ATP13A4: variants seen among roughly 807,000 people sequenced by gnomAD.
The protein encoded by ATP13A4 is probable cation-transporting ATPase 13A4.
ATP13A4 carries 114 observed loss-of-function variants against 142.5 expected under a neutral mutation model. The ratio of observed to expected loss-of-function variants is 0.80; its 90% CI spans 0.69 to 0.93. The LOEUF is 0.93. ATP13A4 is among the 40% of genes least tolerant of loss of function. ATP13A4 has a pLI of 0.00. For synonymous variants in ATP13A4, 488 were observed against 514.8 expected (o/e 0.95, Z 0.70); for missense variants, 1,392 against 1,454.0 (o/e 0.96, Z 0.69).
intron 18 of ATP13A4, among the ~76,000 whole-genome samples, chr3:193,442,802 A>T (rs906714627): frequency 6.6e-6 from 1 of 152,216 alleles, no homozygotes; most frequent in African/African-American, 2.4e-5. Flanking sequence ...AAAATTAAAA[A>T]GCAAAATTCA....
At chr3:193,577,925 C>T (rs1724430998) in intron 2 of ATP13A4, among the ~76,000 whole-genome samples, 1 of 152,208 alleles carries the variant, frequency 6.6e-6, no homozygotes, top group African/African-American at 2.4e-5. Context: ...CTCTTTCATT[C>T]TCTCTGAATA....
At chr3:193,591,403 G>A (rs1003498843) in intron 1 of ATP13A4, among the ~76,000 whole-genome samples, 17 of 152,204 alleles carry the variant, frequency 1.1e-4, no homozygotes, top group Admixed American at 9.2e-4. Flanking sequence ...AGGTCTGTGG[G>A]CTGAATTTGG....
chr3:193,502,772 G>T, intron 2 of ATP13A4, 133 bp from the exon 3 acceptor site: 1 of 956,404 alleles, frequency 1.0e-6, no homozygotes, highest in Non-Finnish European at 1.6e-6. Context: ...AGAACGGTTT[G>T]TCTCTGAAAG....
Position 193,400,843 on chromosome 3 carries a change from C to T in ATP13A4, c.*1809G>A, listed in dbSNP as rs1251567647. Among the ~76,000 whole-genome samples, 1 of 152,234 alleles carries T rather than the reference C, an allele frequency of 6.6e-6. No homozygotes were observed. The highest frequency in any genetic ancestry group is 1.5e-5 in the Non-Finnish European group (1 of 68,040). ...ACCATCTCTAGCTTGCCCCTGCCTA[C>T]AACCCTCTACTTTTGGAAAATGAGA... On this transcript the variant is annotated 3_prime_UTR_variant, in exon 30 of 30. Transcript: ENST00000342695.
chr3:193,592,510 C>CTG (rs1246072011), intron 1 of ATP13A4, among the ~76,000 whole-genome samples: 7 of 152,218 alleles, frequency 4.6e-5, no homozygotes, highest in Admixed American at 2.0e-4. Context: ...GAACTGAATG[C>CTG]TGTGGCAGGC....
chr3:193,515,700 C>T (rs746304140), intron 1 of ATP13A4, among the ~76,000 whole-genome samples: 12 of 152,144 alleles, frequency 7.9e-5, no homozygotes, highest in Non-Finnish European at 1.2e-4. Context: ...TCTAGACAAA[C>T]GTCTTCCTTC....
chr3:193,527,569 G>A (rs1250731089), intron 1 of ATP13A4, among the ~76,000 whole-genome samples: 3 of 150,420 alleles, frequency 2.0e-5, no homozygotes, highest in South Asian at 2.1e-4. Flanking sequence ...CTGAGATCAC[G>A]CCACTGCACT....
At chr3:193,488,193 G>A (rs1176523432) in intron 7 of ATP13A4, among the ~76,000 whole-genome samples, 2 of 152,202 alleles carry the variant, frequency 1.3e-5, no homozygotes, top group African/African-American at 2.4e-5. Flanking sequence ...GAACCTAGGA[G>A]GCAGAGGTTG....
At chr3:193,552,926 G>T (rs1723663818) in intron 1 of ATP13A4, among the ~76,000 whole-genome samples, 2 of 152,202 alleles carry the variant, frequency 1.3e-5, no homozygotes, top group Non-Finnish European at 2.9e-5. Flanking sequence ...TACAAAATAT[G>T]TAGACTATAT....
Position 193,459,199 on chromosome 3 carries a change from T to G in ATP13A4, c.1556A>C (p.Gln519Pro). The change falls in exon 14 of 30, where the codon CAG becomes CCG. Residue 519 changes from glutamine to proline, a missense_variant. Physicochemically the swap from Gln to Pro is moderately conservative, Grantham distance 76. Coordinates refer to ENST00000342695, the MANE Select transcript of ATP13A4 (RefSeq NM_032279.4). ...ACACAGTGGGCCCCATGGCAAAGCC[T>G]GGCCTGAGGCAAAGCTGTGAACTTC... is the stretch of plus-strand genomic sequence containing the variant. ...FQEVHSFASG[Q>P]ALPWGPLCAA... The G allele has an allele frequency of 6.2e-7, 1 of 1,614,250 alleles. No homozygotes were observed. The highest frequency in any genetic ancestry group is 8.5e-7 in the Non-Finnish European group (1 of 1,180,034).
At chr3:193,432,781 G>A (rs1404808438) in intron 25 of ATP13A4, among the ~76,000 whole-genome samples, 3 of 151,948 alleles carry the variant, frequency 2.0e-5, no homozygotes, top group African/African-American at 4.8e-5. Flanking sequence ...TACTGAGACG[G>A]TAAAAGATCA....
intron 1 of ATP13A4, among the ~76,000 whole-genome samples, chr3:193,520,300 A>T (rs1721650907): frequency 1.3e-5 from 2 of 152,212 alleles, no homozygotes; most frequent in South Asian, 4.1e-4. Flanking sequence ...GACACTAAAA[A>T]TAAAATCAGT....
chr3:193,556,435 T>C (rs1723891242), upstream of ATP13A4, among the ~76,000 whole-genome samples: 1 of 151,884 alleles, frequency 6.6e-6, no homozygotes, highest in South Asian at 2.1e-4. Context: ...ACATAAAAAG[T>C]AAGCTAAGTA....
At chr3:193,436,871 G>A (rs1391967809) in intron 23 of ATP13A4, among the ~76,000 whole-genome samples, 7 of 140,676 alleles carry the variant, frequency 5.0e-5, no homozygotes, top group South Asian at 2.1e-4. Context: ...TTGGGAGGCC[G>A]AGGCGGGCGG....
chr3:193,579,053 T>A, intron 2 of ATP13A4: 1 of 183,720 alleles, frequency 5.4e-6, no homozygotes, highest in African/African-American at 2.4e-5. Flanking sequence ...AGCTTCAAAG[T>A]TGCCAACACC....
chr3:193,561,094 G>T (rs972338457), intron 2 of ATP13A4, among the ~76,000 whole-genome samples: 1 of 152,226 alleles, frequency 6.6e-6, no homozygotes, highest in Admixed American at 6.5e-5. Context: ...AAGACAGGCT[G>T]CCAGGCAGGA....
rs1714955956 is a variant in ATP13A4 at position 193,414,631 on chromosome 3, C to A, written c.2962G>T (p.Ala988Ser). 2 of 1,614,052 alleles carry A rather than the reference C, an allele frequency of 1.2e-6. No individual in the cohort carries two copies. The highest frequency in any genetic ancestry group is 2.2e-5 in the South Asian group (2 of 91,070). Reference protein sequence around the residue: ...NILLSLAMHIAGFILVQRQPW... With the variant: ...NILLSLAMHISGFILVQRQPW... ...TGCCTCTGAACCAGGATGAAGCCTG[C>A]AATATGCATGGCCAGGCTGAGAAGA... Residue 988 changes from alanine (A) to serine (S), a missense_variant, in exon 26 of 30, where the codon GCA becomes TCA. Coordinates refer to ENST00000342695, the MANE Select transcript of ATP13A4 (RefSeq NM_032279.4).
chr3:193,544,948 C>T (rs1723140208), intron 1 of ATP13A4, among the ~76,000 whole-genome samples: 2 of 152,028 alleles, frequency 1.3e-5, no homozygotes, highest in South Asian at 4.1e-4. Context: ...TTTCTCAGTG[C>T]CTCCTTTTGT....
rs184836943 is a variant in ATP13A4, at chr3:193,475,765, C to T, written c.809-4772G>A. The stretch of plus-strand genomic sequence containing the variant: ...AGTTGCTGGCATAACCAACAGAAAA[C>T]TATTTTGAGTGACTTTAATGAACAA... On this transcript the variant is annotated intron_variant, in intron 8 of 29. Coordinates refer to ENST00000342695, the MANE Select transcript of ATP13A4 (RefSeq NM_032279.4). Among the ~76,000 whole-genome samples the T allele has an allele frequency of 1.5e-3, 235 of 152,066 alleles. 1 individual carries two copies. The highest frequency in any genetic ancestry group is 3.4e-3 in the Middle Eastern group (1 of 294).
Sources: gnomAD v4.1 joint callset for allele counts (sites outside exome capture counted in the v4.1 genomes callset) on GRCh38, gnomAD v4.1.1 for gene constraint, MANE v1.5 for transcripts, NCBI Gene and HGNC (gene_info 2026-07-23, HGNC 2026-07-21) for gene names.